SHISAL1: variants seen among roughly 807,000 people sequenced by gnomAD.
The protein encoded by SHISAL1 is protein shisa-like-1.
In SHISAL1, 9 loss-of-function variants were observed where a neutral mutation model predicts 22.6. That is an observed-to-expected ratio of 0.40 (90% CI 0.24 to 0.70). The LOEUF (loss-of-function observed/expected upper bound fraction) is 0.70. Ranked by LOEUF, SHISAL1 falls within the 30% of genes least tolerant of loss-of-function variation. The pLI, the probability that SHISAL1 is intolerant of heterozygous loss-of-function variation, is 0.39. For synonymous variants in SHISAL1, 119 were observed against 115.4 expected, an observed-to-expected ratio of 1.03 and a Z score of -0.20; for missense variants, 246 against 270.6, an observed-to-expected ratio of 0.91 and a Z score of 0.64.
intron 4 of SHISAL1, among the ~76,000 whole-genome samples, chr22:44,276,417 C>G (rs2055239953): frequency 6.6e-6 from 1 of 152,232 alleles, no homozygotes; most frequent in South Asian, 2.1e-4. Flanking sequence ...GTGAAGGAGG[C>G]CATCGGCGGG....
At chr22:44,265,166 C>T (rs1445153107) in intron 4 of SHISAL1, among the ~76,000 whole-genome samples, 2 of 152,180 alleles carry the variant, frequency 1.3e-5, no homozygotes, top group Non-Finnish European at 2.9e-5. Context: ...TTCAGCTACT[C>T]ACACCCTCCC....
At chr22:44,263,324 G>A (rs1952310439) in intron 4 of SHISAL1, among the ~76,000 whole-genome samples, 2 of 152,112 alleles carry the variant, frequency 1.3e-5, no homozygotes, top group Middle Eastern at 6.8e-3. Flanking sequence ...GCCCACCTTG[G>A]CCTCCCAAAG....
intron 4 of SHISAL1, among the ~76,000 whole-genome samples, chr22:44,271,316 C>T (rs944429773): frequency 3.3e-5 from 5 of 152,138 alleles, no homozygotes; most frequent in African/African-American, 7.2e-5. Context: ...AGCCATAGGC[C>T]CCAGCACACA....
intron 3 of SHISAL1, among the ~76,000 whole-genome samples, chr22:44,293,213 C>A (rs1308282210): frequency 1.3e-5 from 2 of 152,188 alleles, no homozygotes; most frequent in African/African-American, 2.4e-5. Flanking sequence ...GCACCTATGA[C>A]AGGAGAAGCC....
intron 3 of SHISAL1, among the ~76,000 whole-genome samples, chr22:44,288,832 A>C: frequency 6.6e-6 from 1 of 151,920 alleles, no homozygotes; most frequent in East Asian, 1.9e-4. Context: ...TCCAACCCCT[A>C]CCCTGCATTC....
intron 4 of SHISAL1, among the ~76,000 whole-genome samples, chr22:44,266,528 A>AAGTG (rs1555926300): frequency 3.7e-5 from 4 of 108,418 alleles, no homozygotes; most frequent in Non-Finnish European, 7.0e-5. Flanking sequence ...GCTTTGGGGT[A>AAGTG]TGTGTGTGTG....
intron 3 of SHISAL1, among the ~76,000 whole-genome samples, chr22:44,291,271 G>A (rs935129570): frequency 6.6e-6 from 1 of 152,212 alleles, no homozygotes; most frequent in African/African-American, 2.4e-5. Flanking sequence ...CCCAGAGTAT[G>A]AGCCAAAAGG....
At chr22:44,285,381 A>G in intron 4 of SHISAL1, 47 bp downstream of exon 4, 1 of 1,592,024 alleles carries the variant, frequency 6.3e-7, no homozygotes, top group Non-Finnish European at 8.6e-7. Flanking sequence ...CAAGCTCTCC[A>G]AAGACAATGA....
chr22:44,300,446 G>A (rs1397854580), intron 2 of SHISAL1, among the ~76,000 whole-genome samples: 2 of 152,214 alleles, frequency 1.3e-5, no homozygotes, highest in Admixed American at 6.5e-5. Context: ...GGATCCCAGG[G>A]ACAGCCCAGG....
chr22:44,281,618 G>A (rs373957392), intron 4 of SHISAL1, among the ~76,000 whole-genome samples: 4 of 152,278 alleles, frequency 2.6e-5, no homozygotes, highest in Middle Eastern at 3.4e-3. Flanking sequence ...GCACTTTGTC[G>A]CAGGTGCGGT....
intron 4 of SHISAL1, 150 bp downstream of exon 4, chr22:44,285,278 C>T (rs906356138): frequency 1.7e-5 from 14 of 810,878 alleles, no homozygotes; most frequent in Non-Finnish European, 2.6e-5. Context: ...CTACCCATAA[C>T]AGTTTGAAAT....
chr22:44,263,509 G>T (rs1427258638), intron 4 of SHISAL1, among the ~76,000 whole-genome samples: 1 of 152,222 alleles, frequency 6.6e-6, no homozygotes, highest in Non-Finnish European at 1.5e-5. Context: ...CCATCCCAAG[G>T]AACACTGCCT....
intron 4 of SHISAL1, among the ~76,000 whole-genome samples, chr22:44,274,024 C>T (rs1181810273): frequency 6.6e-6 from 1 of 152,060 alleles, no homozygotes; most frequent in African/African-American, 2.4e-5. Context: ...TCGAGACCAG[C>T]CTGGCTGACA....
intron 1 of SHISAL1, among the ~76,000 whole-genome samples, chr22:44,305,980 G>A (rs149394125): frequency 3.3e-4 from 50 of 152,340 alleles, no homozygotes; most frequent in African/African-American, 1.0e-3. Flanking sequence ...AGAATAACCC[G>A]CCGTGCGTCA....
the SHISAL1 span, among the ~76,000 whole-genome samples, chr22:44,331,664 G>C: frequency 6.7e-6 from 1 of 148,418 alleles, no homozygotes. This position sits in a 1 kb window ranked among gnomAD's most constrained non-coding sequence, Gnocchi z 5.2. Context: ...CGGGCTCCCT[G>C]ATCGGCGCTC....
chr22:44,288,672 C>T (rs971683556), intron 3 of SHISAL1, among the ~76,000 whole-genome samples: 4 of 152,048 alleles, frequency 2.6e-5, no homozygotes, highest in African/African-American at 9.7e-5. Context: ...AAAAGAAATG[C>T]TGCTCCAGCC....
chr22:44,268,992 C>T (rs1391764472), intron 4 of SHISAL1, among the ~76,000 whole-genome samples: 6 of 152,162 alleles, frequency 3.9e-5, no homozygotes, highest in Admixed American at 1.3e-4. Flanking sequence ...TCCCGGGCTC[C>T]GACCTGACCA....
intron 1 of SHISAL1, among the ~76,000 whole-genome samples, chr22:44,303,435 A>G (rs2055447249): frequency 6.6e-6 from 1 of 152,108 alleles, no homozygotes; most frequent in Admixed American, 6.5e-5. Context: ...GACAATTTGG[A>G]CACAGAAACA....
At chr22:44,299,438 G>A (rs2055410563) in intron 2 of SHISAL1, among the ~76,000 whole-genome samples, 1 of 152,246 alleles carries the variant, frequency 6.6e-6, no homozygotes, top group Non-Finnish European at 1.5e-5. Context: ...AATGGGCTGA[G>A]TGGGTCCGTC....
Sources: allele counts gnomAD v4.1 joint callset (sites outside exome capture counted in the v4.1 genomes callset), GRCh38; gene constraint gnomAD v4.1.1; non-coding constraint Gnocchi (gnomAD v3.1); transcripts MANE v1.5; gene names NCBI Gene and HGNC (gene_info 2026-07-23, HGNC 2026-07-21).